Variants in CMYA5 observed in about 807,000 individuals in gnomAD.
CMYA5 encodes cardiomyopathy associated 5, also known as cardiomyopathy-associated protein 5.
CMYA5 carries 246 observed loss-of-function variants against 318.9 expected under a neutral mutation model. That is an observed-to-expected ratio of 0.77 (90% CI 0.70 to 0.86). CMYA5 has a LOEUF of 0.86. CMYA5 is among the 40% of genes least tolerant of loss of function. The pLI is 0.00. For missense variants in CMYA5, 4,589 were observed against 4,678.2 expected (o/e 0.98, Z 0.56); for synonymous variants, 1,641 against 1,729.5 (o/e 0.95, Z 1.27).
chr5:79,728,658 A>C (rs2151083685), intron 1 of CMYA5, among the ~76,000 whole-genome samples: 3 of 152,118 alleles, frequency 2.0e-5, no homozygotes, highest in East Asian at 3.9e-4. Flanking sequence ...GAAGGTGGTA[A>C]ATTTAACTTT....
chr5:79,733,836 T>A lies in CMYA5; in HGVS notation c.5071T>A (p.Ser1691Thr), dbSNP rs1827981679. ...GKEENRELCA[S>T]STMPAISELS... is the part of the protein sequence containing the mutation. The stretch of plus-strand genomic sequence containing the variant: ...AGAAGAAAATAGAGAGCTTTGTGCA[T>A]CTTCTACGATGCCTGCAATTTCAGA... The change falls in exon 2 of 13, where the codon TCT (serine) becomes ACT (threonine). Residue 1691 changes from serine (S) to threonine (T), a missense_variant. By Grantham distance (58) the Ser-to-Thr change is moderately conservative. Around this residue, in one of 3 missense-constraint regions of CMYA5, gnomAD observed 2,132 missense variants for 2,131.3 expected, o/e 1.00. Transcript: ENST00000446378. 1 of 1,613,590 alleles carries A rather than the reference T, an allele frequency of 6.2e-7. No homozygotes were observed. Among genetic ancestry groups the A allele is most frequent in the African/African-American group, 1.3e-5 (1 of 74,922 alleles).
intron 1 of CMYA5, among the ~76,000 whole-genome samples, chr5:79,705,386 A>G (rs1827251035): frequency 6.6e-6 from 1 of 151,960 alleles, no homozygotes; most frequent in African/African-American, 2.4e-5. Context: ...CAACATGTCC[A>G]GAAATACTAT....
Position 79,738,925 on chromosome 5 carries a change from G to GAACA in CMYA5, c.10160_10161insAACA (p.Ala3388ThrfsTer14), listed in dbSNP as rs1561214249. On this transcript the variant is annotated frameshift_variant, in exon 2 of 13. Transcript: ENST00000446378. LOFTEE classifies it high-confidence loss of function. ...TTCCCGGAGGAAGAATTTGCATCTG[G>GAACA]TGCAACTCATGTTCAAGAAACATCA... 1.2e-6 allele frequency: 2 copies of GAACA among 1,613,908 alleles called. No individual in the cohort carries two copies.
At chr5:79,776,247 C>T (rs1258601811) in intron 9 of CMYA5, among the ~76,000 whole-genome samples, 1 of 152,122 alleles carries the variant, frequency 6.6e-6, no homozygotes, top group African/African-American at 2.4e-5. Flanking sequence ...GAGTGAGACG[C>T]TTACCATCGA....
In CMYA5 at chr5:79,789,251, A is replaced by G. The variant is rs74792446; in HGVS notation, c.11689+147A>G. 1,927 of 841,026 alleles carry G rather than the reference A, an allele frequency of 2.3e-3. 19 individuals carry two copies. The African/African-American group carries it at 0.028, about 12-fold the overall frequency. The allele number at this position is 841,026 out of a possible 1,614,324, so 52.1% of individuals were successfully genotyped here. On this transcript the variant is annotated intron_variant, in intron 10 of 12. Coordinates refer to ENST00000446378, the MANE Select transcript of CMYA5 (RefSeq NM_153610.5). ...TGTCATGAGGACCCAAGGTTGGTCA[A>G]AGGTCAAGATATTTCTTTTGTTTTT...
At position 79,733,686 on chromosome 5, in the gene CMYA5, T is replaced by A. The variant is rs1827977138; in HGVS notation, c.4921T>A (p.Phe1641Ile). 1 of 1,613,770 alleles carries A rather than the reference T, an allele frequency of 6.2e-7. No homozygotes were observed. The highest frequency in any genetic ancestry group is 8.5e-7 in the Non-Finnish European group (1 of 1,179,846). The change falls in exon 2 of 13, where the codon TTT becomes ATT. Residue 1641 changes from phenylalanine (F) to isoleucine (I), a missense_variant. Physicochemically the swap from Phe to Ile is conservative, Grantham distance 21 (BLOSUM62 0). Coordinates refer to ENST00000446378, the MANE Select transcript of CMYA5 (RefSeq NM_153610.5). ...PLELPNAGSEFSSDLGRQSGS... is the reference protein window; with the variant it reads ...PLELPNAGSEISSDLGRQSGS... ...GGAATTACCAAATGCTGGGTCAGAA[T>A]TTTCTAGTGATTTAGGTAGACAAAG...
intron 6 of CMYA5, among the ~76,000 whole-genome samples, chr5:79,757,435 A>G (rs553556988): frequency 5.9e-5 from 9 of 152,202 alleles, no homozygotes; most frequent in Non-Finnish European, 1.0e-4. Context: ...GAGTTATACT[A>G]GGTGTCTAAA....
At chr5:79,691,774 G>A (rs916723964) in intron 1 of CMYA5, among the ~76,000 whole-genome samples, 1 of 152,218 alleles carries the variant, frequency 6.6e-6, no homozygotes, top group African/African-American at 2.4e-5. Context: ...CTGTGACACG[G>A]CCTGCAGGAG....
chr5:79,756,595 G>A (rs1828535011), intron 6 of CMYA5, among the ~76,000 whole-genome samples: 1 of 152,266 alleles, frequency 6.6e-6, no homozygotes, highest in Non-Finnish European at 1.5e-5. Flanking sequence ...ACTCTGCATT[G>A]AAGTCCATGA....
intron 1 of CMYA5, among the ~76,000 whole-genome samples, chr5:79,723,510 C>T (rs1827687096): frequency 6.7e-6 from 1 of 149,498 alleles, no homozygotes; most frequent in Non-Finnish European, 1.5e-5. Context: ...ACCTGTAATC[C>T]TATCACTTTG....
rs1431277039 is a variant in CMYA5, at chr5:79,728,994, C to T, written c.229C>T (p.Gln77Ter). 2.5e-6 allele frequency: 4 copies of T among 1,613,614 alleles called. No homozygotes were observed. The highest frequency in any genetic ancestry group is 3.4e-6 in the Non-Finnish European group (4 of 1,179,716). ...CCCCTCCTTTTCCATGGTGACAGTCCAAAGGGAAGATAGTGGGATAACCTG... is the reference window on the plus strand; with the variant it reads ...CCCCTCCTTTTCCATGGTGACAGTCTAAAGGGAAGATAGTGGGATAACCTG... ...SDPSFSMVTV[Q>*]REDSGITWET... is the part of the protein sequence containing the mutation. Residue 77 changes from glutamine to a stop codon, truncating the protein, a stop_gained, in exon 2 of 13, where the codon CAA becomes TAA. Coordinates refer to ENST00000446378, the MANE Select transcript of CMYA5 (RefSeq NM_153610.5). LOFTEE classifies it high-confidence loss of function.
intron 9 of CMYA5, chr5:79,778,014 G>A (rs1042008348): frequency 6.6e-6 from 1 of 152,232 alleles, no homozygotes; most frequent in Non-Finnish European, 1.5e-5. Flanking sequence ...CAGCTACTCA[G>A]GAGGCTGAGG....
chr5:79,741,116 C>T (rs74741896), intron 2 of CMYA5, among the ~76,000 whole-genome samples: 7,875 of 152,188 alleles, frequency 0.052, 385 homozygotes, highest in East Asian at 0.25. Flanking sequence ...GGGCTCAAGC[C>T]ATCCTCCCTC....
intron 9 of CMYA5, among the ~76,000 whole-genome samples, chr5:79,768,867 T>A (rs1828803522): frequency 6.6e-6 from 1 of 152,160 alleles, no homozygotes; most frequent in African/African-American, 2.4e-5. Flanking sequence ...GAAGTTCTCC[T>A]GGATAATATA....
rs926232823 is a variant in CMYA5 at position 79,763,124 on chromosome 5, C to T, written c.11470C>T (p.Arg3824Ter). Residue 3824 changes from arginine (R) to a stop codon, truncating the protein, a stop_gained, in exon 9 of 13, where the codon CGA (arginine) becomes TGA (stop). Transcript: ENST00000446378. LOFTEE classifies it high-confidence loss of function. Reference protein sequence around the residue: ...CTVCWNTATIRWRPTTPEATE... With the variant: ...CTVCWNTATI ...TGTGTGTTGGAACACAGCCACTATCCGATGGCGGCCCACCACCCCAGAGGC... is the reference window on the plus strand; with the variant it reads ...TGTGTGTTGGAACACAGCCACTATCTGATGGCGGCCCACCACCCCAGAGGC... The T allele has an allele frequency of 1.2e-5, 19 of 1,613,722 alleles. No individual in the cohort carries two copies. Among genetic ancestry groups the T allele is most frequent in the East Asian group, 2.2e-5 (1 of 44,856 alleles).
At chr5:79,768,554 G>A (rs1489874011) in intron 9 of CMYA5, among the ~76,000 whole-genome samples, 1 of 152,152 alleles carries the variant, frequency 6.6e-6, no homozygotes, top group African/African-American at 2.4e-5. Context: ...TGCTTATGAA[G>A]CTTAGTTTGG....
chr5:79,767,452 T>G lies in CMYA5; in HGVS notation c.11555+4243T>G, dbSNP rs139898025. Among the ~76,000 whole-genome samples the G allele has an allele frequency of 6.0e-3, 916 of 152,342 alleles. 11 individuals are homozygous for G. Among genetic ancestry groups the G allele is most frequent in the African/African-American group, 0.02 (852 of 41,574 alleles). On this transcript the variant is annotated intron_variant, in intron 9 of 12. Coordinates refer to ENST00000446378, the MANE Select transcript of CMYA5 (RefSeq NM_153610.5). ...CTTGTGGGCATTTAGTGCTGTAAAT[T>G]TCCCTCTAAACACTGCTTTAGCTGT...
chr5:79,725,835 C>G (rs868038291), intron 1 of CMYA5, among the ~76,000 whole-genome samples: 1 of 152,174 alleles, frequency 6.6e-6, no homozygotes, highest in African/African-American at 2.4e-5. Flanking sequence ...ACCCAGGAGG[C>G]AGAGGTTGCA....
intron 12 of CMYA5, among the ~76,000 whole-genome samples, chr5:79,797,612 A>G (rs1829296751): frequency 6.6e-6 from 1 of 152,138 alleles, no homozygotes; most frequent in Admixed American, 6.5e-5. Flanking sequence ...AGGAGAAGCC[A>G]CCACACTATC....
Sources: gnomAD v4.1 joint callset for allele counts (sites outside exome capture counted in the v4.1 genomes callset) on GRCh38, gnomAD v4.1.1 for gene constraint, gnomAD v4.1.1 regional missense constraint, MANE v1.5 for transcripts, NCBI Gene and HGNC (gene_info 2026-07-23, HGNC 2026-07-21) for gene names.